Variants in NDRG3 observed in about 807,000 individuals in gnomAD.
NDRG3 encodes the protein protein NDRG3.
A neutral mutation model predicts 57.2 loss-of-function variants in NDRG3; 23 were observed. That is an observed-to-expected ratio of 0.40 (90% confidence interval 0.29 to 0.57). NDRG3 has a LOEUF of 0.57. NDRG3 is among the 20% of genes least tolerant of loss of function. The pLI is 0.42. For missense variants in NDRG3, 384 were observed against 457.3 expected, an observed-to-expected ratio of 0.84 and a Z score of 1.46; for synonymous variants, 132 against 162.6, an observed-to-expected ratio of 0.81 and a Z score of 1.43.
chr20:36,684,087 T>G (rs1981568542), intron 6 of NDRG3, among the ~76,000 whole-genome samples: 4 of 152,298 alleles, frequency 2.6e-5, no homozygotes, highest in African/African-American at 9.6e-5. Context: ...CTTGAACTGC[T>G]GTTGTTAAGT....
chr20:36,657,182 A>G (rs1266295003), intron 13 of NDRG3, among the ~76,000 whole-genome samples: 1 of 152,110 alleles, frequency 6.6e-6, no homozygotes, highest in Non-Finnish European at 1.5e-5. Context: ...GGTTTGGGGT[A>G]TGGTTCGAGA....
chr20:36,741,470 CA>C (rs762691042), intron 1 of NDRG3, among the ~76,000 whole-genome samples: 45 of 152,136 alleles, frequency 3.0e-4, no homozygotes, highest in South Asian at 1.9e-3. Flanking sequence ...TATATATCTT[CA>C]AAAAAGATTC....
At chr20:36,701,863 T>TA (rs200584072) in intron 3 of NDRG3, among the ~76,000 whole-genome samples, 1,398 of 116,084 alleles carry the variant, frequency 0.012, 7 homozygotes, top group African/African-American at 0.02. Flanking sequence ...CCTGCATCTT[T>TA]AAAAAAAAAA....
intron 1 of NDRG3, among the ~76,000 whole-genome samples, chr20:36,732,630 T>C (rs377322638): frequency 3.3e-5 from 5 of 152,232 alleles, no homozygotes; most frequent in Admixed American, 1.3e-4. Context: ...CCTGTAGAAG[T>C]AGTACTTCAC....
chr20:36,657,485 GAA>G (rs757285386), intron 13 of NDRG3, among the ~76,000 whole-genome samples: 23 of 129,912 alleles, frequency 1.8e-4, no homozygotes, highest in Admixed American at 2.3e-4. Flanking sequence ...CCGTCTCCAG[GAA>G]AAAAAAAAAA....
chr20:36,728,696 C>T (rs950781664), intron 1 of NDRG3, among the ~76,000 whole-genome samples: 10 of 152,118 alleles, frequency 6.6e-5, no homozygotes, highest in Admixed American at 2.0e-4. Context: ...TGAAACACAT[C>T]TGGTTCAAGG....
At chr20:36,730,367 G>A (rs1004698245) in intron 1 of NDRG3, among the ~76,000 whole-genome samples, 10 of 151,676 alleles carry the variant, frequency 6.6e-5, no homozygotes, top group Non-Finnish European at 4.4e-5. Context: ...CAATCCTCCC[G>A]CCTCAGCCTC....
chr20:36,743,581 G>A (rs1281657558), intron 1 of NDRG3, among the ~76,000 whole-genome samples: 1 of 151,962 alleles, frequency 6.6e-6, no homozygotes, highest in Non-Finnish European at 1.5e-5. Flanking sequence ...ATGGGAGGCC[G>A]AGGCAGGCGG....
At chr20:36,664,658 T>C (rs116809110) in intron 12 of NDRG3, among the ~76,000 whole-genome samples, 1,790 of 152,228 alleles carry the variant, frequency 0.012, 45 homozygotes, top group African/African-American at 0.041. Context: ...AAAACTAGTA[T>C]TTACCGACTG....
intron 1 of NDRG3, among the ~76,000 whole-genome samples, chr20:36,733,351 A>G (rs1985437479): frequency 1.3e-5 from 2 of 151,944 alleles, no homozygotes; most frequent in African/African-American, 4.8e-5. Flanking sequence ...ATGTGCTGAC[A>G]CCAGGCCGCT....
rs566029057 is a variant in NDRG3, at chr20:36,735,208, A to C, written c.-49+10837T>G. 9.8e-5 allele frequency among the ~76,000 whole-genome samples: 15 copies of C among 152,344 alleles called. No homozygotes were observed. In the East Asian group the frequency reaches 1.2e-3, roughly 12 times the overall value. ...AGTATACAAGTCACCCCAGTGGCAC[A>C]TGTTGAGCATCTCTAATCTGAAAAT... On this transcript the variant is annotated intron_variant, in intron 1 of 15. Coordinates refer to ENST00000349004, the MANE Select transcript of NDRG3 (RefSeq NM_032013.4).
chr20:36,733,114 T>C (rs2148219228), intron 1 of NDRG3, among the ~76,000 whole-genome samples: 1 of 122,490 alleles, frequency 8.2e-6, no homozygotes, highest in East Asian at 3.0e-4. Flanking sequence ...ACCACTGCAC[T>C]CCAGCCTGGG....
At chr20:36,689,488 T>C (rs528164519) in intron 3 of NDRG3, among the ~76,000 whole-genome samples, 1 of 152,234 alleles carries the variant, frequency 6.6e-6, no homozygotes, top group South Asian at 2.1e-4. Flanking sequence ...TGAACACATG[T>C]TCAGATAATT....
intron 1 of NDRG3, among the ~76,000 whole-genome samples, chr20:36,740,993 G>C (rs746899789): frequency 6.6e-6 from 1 of 151,634 alleles, no homozygotes; most frequent in African/African-American, 2.4e-5. Flanking sequence ...AAAGAAAGGT[G>C]GGGGGGGAAT....
intron 15 of NDRG3, among the ~76,000 whole-genome samples, chr20:36,655,476 G>C (rs1042598199): frequency 2.6e-5 from 4 of 152,218 alleles, no homozygotes; most frequent in African/African-American, 9.6e-5. Flanking sequence ...CAATACAAGA[G>C]ACCAGGACAA....
chr20:36,682,470 C>A, intron 7 of NDRG3, 48 bp downstream of exon 7: 5 of 1,489,940 alleles, frequency 3.4e-6, no homozygotes, highest in Middle Eastern at 1.7e-4. Context: ...ATAGCTGTGA[C>A]CCAGGCACTG....
intron 3 of NDRG3, among the ~76,000 whole-genome samples, chr20:36,692,088 A>G (rs1342500174): frequency 2.0e-5 from 3 of 152,254 alleles, no homozygotes; most frequent in Admixed American, 2.0e-4. Context: ...CTAAACAGAC[A>G]GGAAAATGGA....
chr20:36,697,987 A>C (rs969895333), intron 3 of NDRG3, among the ~76,000 whole-genome samples: 2 of 126,564 alleles, frequency 1.6e-5, no homozygotes, highest in Non-Finnish European at 3.2e-5. Flanking sequence ...TTTTTTTGAG[A>C]CAGAGTCTTG....
At chr20:36,690,026 T>A (rs1280740554) in intron 3 of NDRG3, among the ~76,000 whole-genome samples, 2 of 152,092 alleles carry the variant, frequency 1.3e-5, no homozygotes, top group Non-Finnish European at 2.9e-5. Flanking sequence ...AGCCTGTAAT[T>A]GGAACTAAGA....
Sources: gnomAD v4.1 joint callset for allele counts (sites outside exome capture counted in the v4.1 genomes callset) on GRCh38, gnomAD v4.1.1 for gene constraint, MANE v1.5 for transcripts, NCBI Gene and HGNC (gene_info 2026-07-23, HGNC 2026-07-21) for gene names.